The following RPH3A variants were observed in gnomAD, a reference collection of about 807,000 sequenced individuals.
The protein encoded by RPH3A is rabphilin 3A, also known as rabphilin-3A.
Under a neutral mutation model 102.2 loss-of-function variants are expected in RPH3A, and 48 were observed. That is an observed-to-expected ratio of 0.47 (90% CI 0.37 to 0.60). The LOEUF (loss-of-function observed/expected upper bound fraction) is 0.60, where lower values mean the gene tolerates loss of function less well. Among genes scored for constraint, RPH3A ranks in the 20% least tolerant of loss-of-function variants. The probability of loss-of-function intolerance (pLI) is 0.00; values close to 1 mark genes in which losing one functional copy is unlikely to be tolerated. For missense variants in RPH3A, 781 were observed against 910.1 expected (o/e 0.86, Z 1.83); for synonymous variants, 310 against 324.3 (o/e 0.96, Z 0.47).
chr12:112,847,489 G>A (rs2042249329), intron 4 of RPH3A, among the ~76,000 whole-genome samples: 1 of 152,184 alleles, frequency 6.6e-6, no homozygotes, highest in African/African-American at 2.4e-5. Context: ...ATGTCATGGA[G>A]TGTCTACTGT....
Position 112,865,633 on chromosome 12 carries a change from G to A in RPH3A, c.360+90G>A, listed in dbSNP as rs764722235. ...CAGCTGTAGGGGTCACTGGGTCTTG[G>A]GGGTGGAGCTTGGATCCTGAAGATC... is the stretch of plus-strand genomic sequence containing the variant. On this transcript the variant is annotated intron_variant, in intron 6 of 21. Transcript: ENST00000389385. 400 of 1,417,408 alleles carry A rather than the reference G, an allele frequency of 2.8e-4. 1 individual carries two copies. Among genetic ancestry groups the A allele is most frequent in the Non-Finnish European group, 3.7e-4 (386 of 1,048,176 alleles). 87.8% of individuals were successfully genotyped at this position (1,417,408 alleles called of 1,614,324 possible).
intron 1 of RPH3A, among the ~76,000 whole-genome samples, chr12:112,690,623 A>G (rs1290657602): frequency 1.3e-5 from 2 of 152,196 alleles, no homozygotes; most frequent in Admixed American, 6.5e-5. Context: ...GAACACACCT[A>G]TTAGAACATA....
In RPH3A at chr12:112,653,497, G is replaced by C. The variant is rs186806960; in HGVS notation, c.-140+78178G>C. 7.0e-4 allele frequency among the ~76,000 whole-genome samples: 107 copies of C among 152,196 alleles called. 2 individuals are homozygous for C. Among genetic ancestry groups the C allele is most frequent in the Admixed American group, 7.0e-3 (107 of 15,270 alleles). On this transcript the variant is annotated intron_variant, in intron 1 of 21. Coordinates refer to the RPH3A transcript ENST00000543106. ...GTCAGTGAGTGAGTGGTGAGTGAAT[G>C]CGAAGGCCTAGGACATTACTGTGCA...
intron 1 of RPH3A, among the ~76,000 whole-genome samples, chr12:112,647,417 T>C (rs2039939487): frequency 6.6e-6 from 1 of 152,200 alleles, no homozygotes. Flanking sequence ...TAGTTATCTT[T>C]TATTGAATAT....
chr12:112,679,051 G>T (rs2040208034), intron 1 of RPH3A, among the ~76,000 whole-genome samples: 1 of 152,100 alleles, frequency 6.6e-6, no homozygotes, highest in South Asian at 2.1e-4. Flanking sequence ...GCCCCCCACT[G>T]CAGGCTGGAA....
chr12:112,845,375 G>A (rs902691561), intron 4 of RPH3A, among the ~76,000 whole-genome samples: 2 of 152,156 alleles, frequency 1.3e-5, no homozygotes, highest in African/African-American at 4.8e-5. Flanking sequence ...ACTTTGTGGG[G>A]CCCAAAGCTT....
intron 1 of RPH3A, among the ~76,000 whole-genome samples, chr12:112,707,593 C>G (rs2040434387): frequency 6.6e-6 from 1 of 152,244 alleles, no homozygotes. Context: ...AAGCATATTG[C>G]CTATCTCTGT....
At chr12:112,610,950 T>C (rs1004925262) in intron 1 of RPH3A, among the ~76,000 whole-genome samples, 1 of 152,216 alleles carries the variant, frequency 6.6e-6, no homozygotes, top group African/African-American at 2.4e-5. Context: ...AAAGTTATTT[T>C]ATGCATTTAC....
chr12:112,793,805 T>A (rs887436324), intron 2 of RPH3A, among the ~76,000 whole-genome samples: 1 of 152,134 alleles, frequency 6.6e-6, no homozygotes, highest in Non-Finnish European at 1.5e-5. Context: ...TAGGGCATCT[T>A]AGGGGGCCCC....
intron 1 of RPH3A, among the ~76,000 whole-genome samples, chr12:112,580,908 G>T (rs2039396222): frequency 6.6e-6 from 1 of 152,156 alleles, no homozygotes; most frequent in Non-Finnish European, 1.5e-5. Flanking sequence ...TTTCCTGTAA[G>T]AATTACACTG....
intron 13 of RPH3A, 103 bp from the exon 14 acceptor site, chr12:112,879,016 G>T: frequency 9.9e-7 from 1 of 1,013,938 alleles, no homozygotes; most frequent in Non-Finnish European, 1.5e-6. Flanking sequence ...CTCTTCTGTG[G>T]TCTCAATTCA....
At chr12:112,736,621 A>T (rs2040671476) in intron 1 of RPH3A, among the ~76,000 whole-genome samples, 2 of 152,232 alleles carry the variant, frequency 1.3e-5, no homozygotes, top group South Asian at 4.1e-4. Flanking sequence ...TGACCACCTC[A>T]TGGGACTGTG....
At chr12:112,800,407 C>T (rs536932028) in intron 2 of RPH3A, among the ~76,000 whole-genome samples, 1 of 152,228 alleles carries the variant, frequency 6.6e-6, no homozygotes, top group African/African-American at 2.4e-5. Flanking sequence ...CAAAGGGAGA[C>T]AGGAACAACA....
At chr12:112,715,782 A>G (rs2040509838) in intron 1 of RPH3A, among the ~76,000 whole-genome samples, 1 of 152,234 alleles carries the variant, frequency 6.6e-6, no homozygotes, top group Non-Finnish European at 1.5e-5. Context: ...GAAAGAATTC[A>G]GAGTAAGCCC....
At chr12:112,673,795 TG>T (rs1292519550) in intron 1 of RPH3A, among the ~76,000 whole-genome samples, 1 of 152,168 alleles carries the variant, frequency 6.6e-6, no homozygotes, top group Non-Finnish European at 1.5e-5. Context: ...TATTTTTTTT[TG>T]TACCCATTAA....
intron 1 of RPH3A, chr12:112,617,882 C>T (rs1216997179): frequency 6.6e-6 from 1 of 152,152 alleles, no homozygotes; most frequent in Non-Finnish European, 1.5e-5. Context: ...TCTTTTTTAC[C>T]TTTAAGAATG....
chr12:112,865,631 T>TG, intron 6 of RPH3A, 88 bp downstream of exon 6: 3 of 1,429,826 alleles, frequency 2.1e-6, no homozygotes, highest in Non-Finnish European at 9.5e-7. Flanking sequence ...CACTGGGTCT[T>TG]GGGGGTGGAG....
At position 112,855,543 on chromosome 12, in the gene RPH3A, G is replaced by C. The variant is rs115922972; in HGVS notation, c.230+7701G>C. Among the ~76,000 whole-genome samples, 749 of 152,264 alleles carry C rather than the reference G, an allele frequency of 4.9e-3. 4 individuals carry two copies. Among genetic ancestry groups the C allele is most frequent in the African/African-American group, 0.017 (709 of 41,534 alleles). On this transcript the variant is annotated intron_variant, in intron 5 of 21. Transcript: ENST00000389385. ...GGAATCCCATTCACCAGTCCCTCAA[G>C]GAGACAGATTGAGATCTAGGGCTCC...
chr12:112,858,625 C>CG (rs1207604143), intron 5 of RPH3A, among the ~76,000 whole-genome samples: 1 of 152,196 alleles, frequency 6.6e-6, no homozygotes, highest in Non-Finnish European at 1.5e-5. Flanking sequence ...AAACAATGTC[C>CG]GATCTCTCAC....
Sources: allele counts gnomAD v4.1 joint callset (sites outside exome capture counted in the v4.1 genomes callset), GRCh38; gene constraint gnomAD v4.1.1; transcripts MANE v1.5; gene names NCBI Gene and HGNC (gene_info 2026-07-23, HGNC 2026-07-21).